Variants in CCDC167 observed in about 807,000 individuals in gnomAD.
CCDC167 encodes coiled-coil domain-containing protein 167.
Under a neutral mutation model 12.7 loss-of-function variants are expected in CCDC167, and 15 were observed. That is an observed-to-expected ratio of 1.18 (90% CI 0.79 to 1.81). The LOEUF (loss-of-function observed/expected upper bound fraction) is 1.81. Ranked by LOEUF, CCDC167 falls within the 40% of genes most tolerant of loss-of-function variation. CCDC167 has a pLI of 0.00. For missense variants in CCDC167, 121 were observed against 120.1 expected (o/e 1.01, Z -0.03); for synonymous variants, 52 against 49.0 (o/e 1.06, Z -0.26).
chr6:37,493,545 G>A (rs577442796), intron 1 of CCDC167, among the ~76,000 whole-genome samples: 134 of 152,362 alleles, frequency 8.8e-4, no homozygotes, highest in Non-Finnish European at 1.6e-3. Context: ...AGGCTGCCGC[G>A]AGAAATCACC....
intron 3 of CCDC167, among the ~76,000 whole-genome samples, chr6:37,484,215 T>C (rs78862533): frequency 0.02 from 3,071 of 152,294 alleles, 85 homozygotes; most frequent in African/African-American, 0.067. Flanking sequence ...TGGCCAGGCC[T>C]GGTCCCCCAG....
chr6:37,486,199 T>TAGG (rs1422234469), intron 1 of CCDC167, among the ~76,000 whole-genome samples: 1 of 152,182 alleles, frequency 6.6e-6, no homozygotes, highest in Non-Finnish European at 1.5e-5. Flanking sequence ...ACCACTTCCC[T>TAGG]AGGAGACATG....
chr6:37,482,949 T>C lies in CCDC167; in HGVS notation c.*237A>G. 1 of 557,400 alleles carries C rather than the reference T, an allele frequency of 1.8e-6. No individual in the cohort carries two copies. The highest frequency in any genetic ancestry group is 3.4e-6 in the Non-Finnish European group (1 of 298,170). The allele number at this position is 557,400 out of a possible 1,614,324, so 34.5% of individuals were successfully genotyped here. ...CTCAGCAGACGGGAACAGCTTTGTGTTCTTTATTGCCTCTCCCTTGGGCTA... is the reference window on the plus strand; with the variant it reads ...CTCAGCAGACGGGAACAGCTTTGTGCTCTTTATTGCCTCTCCCTTGGGCTA... On this transcript the variant is annotated 3_prime_UTR_variant, in exon 4 of 4. Coordinates refer to ENST00000373408, the MANE Select transcript of CCDC167 (RefSeq NM_138493.3).
chr6:37,491,301 A>G (rs1762018484), intron 1 of CCDC167, among the ~76,000 whole-genome samples: 1 of 152,216 alleles, frequency 6.6e-6, no homozygotes, highest in Non-Finnish European at 1.5e-5. Flanking sequence ...GTGTTCCCAC[A>G]GAGCATCTAG....
intron 1 of CCDC167, among the ~76,000 whole-genome samples, chr6:37,496,391 G>A (rs982412577): frequency 2.0e-5 from 3 of 151,914 alleles, no homozygotes; most frequent in Admixed American, 2.0e-4. Context: ...CTGAGATCAT[G>A]CCGCTGCACT....
Position 37,499,816 on chromosome 6 carries a change from C to T in CCDC167, c.42+6G>A, listed in dbSNP as rs1019975043. ...GAGGTGGCCCAACCCCCACTTTTCC[C>T]CTCACCTCTAGAGCGACGCCCAGAT... On this transcript the variant is annotated splice_donor_region_variant and intron_variant, in intron 1 of 3. Transcript: ENST00000373408. 4 of 1,613,992 alleles carry T rather than the reference C, an allele frequency of 2.5e-6. No homozygotes were observed. In the African/African-American group the frequency reaches 4.0e-5, roughly 16 times the overall value.
At chr6:37,491,032 G>C (rs554516986) in intron 1 of CCDC167, among the ~76,000 whole-genome samples, 2 of 152,106 alleles carry the variant, frequency 1.3e-5, no homozygotes, top group African/African-American at 4.8e-5. Flanking sequence ...TGTAAAATTC[G>C]TGTGAAATCC....
intron 3 of CCDC167, 69 bp downstream of exon 3, chr6:37,484,741 T>G (rs1344264392): frequency 1.9e-6 from 3 of 1,583,626 alleles, no homozygotes; most frequent in South Asian, 1.1e-5. Context: ...TCAGGCCCCT[T>G]GGGCTTCTGA....
intron 1 of CCDC167, among the ~76,000 whole-genome samples, chr6:37,497,167 T>C (rs113921062): frequency 3.1e-4 from 47 of 152,222 alleles, no homozygotes; most frequent in African/African-American, 1.1e-3. Flanking sequence ...ATTTACATAT[T>C]CCTTCATTTA....
intron 1 of CCDC167, among the ~76,000 whole-genome samples, chr6:37,488,001 C>T (rs1761969387): frequency 6.6e-6 from 1 of 152,232 alleles, no homozygotes; most frequent in Non-Finnish European, 1.5e-5. Context: ...TTCTTTATAA[C>T]CCAGCTGCTT....
At chr6:37,484,972 G>GT in intron 2 of CCDC167, 110 bp from the exon 3 acceptor site, 1 of 1,464,012 alleles carries the variant, frequency 6.8e-7, no homozygotes, top group Non-Finnish European at 9.5e-7. Context: ...GGCAGGGGGG[G>GT]TGTGCACTGA....
At position 37,490,468 on chromosome 6, in the gene CCDC167, G is replaced by C. The variant is rs1208749218; in HGVS notation, c.43-5274C>G. On this transcript the variant is annotated intron_variant, in intron 1 of 3. Transcript: ENST00000373408. ...GGGAAAGGCCCCAGGGGAGGCCTTA[G>C]GGAGTGGGACCCAACAAGTCCGTTC... Among the ~76,000 whole-genome samples, 5 of 152,312 alleles carry C rather than the reference G, an allele frequency of 3.3e-5. No homozygotes were observed. The South Asian group carries it at 6.2e-4, about 19-fold the overall frequency.
chr6:37,491,187 C>T (rs914592725), intron 1 of CCDC167, among the ~76,000 whole-genome samples: 1 of 152,226 alleles, frequency 6.6e-6, no homozygotes, highest in South Asian at 2.1e-4. Context: ...GGTGCCAGCT[C>T]CACGGCTAGC....
intron 1 of CCDC167, among the ~76,000 whole-genome samples, chr6:37,485,907 G>C (rs2113904707): frequency 6.6e-6 from 1 of 152,334 alleles, no homozygotes; most frequent in Non-Finnish European, 1.5e-5. Flanking sequence ...TTTGATTAGA[G>C]TTTCAGAGAA....
At chr6:37,484,373 T>G (rs1371665132) in intron 3 of CCDC167, among the ~76,000 whole-genome samples, 2 of 151,352 alleles carry the variant, frequency 1.3e-5, no homozygotes, top group African/African-American at 4.8e-5. Flanking sequence ...GCCCAGAAGG[T>G]GGCGGCATCG....
chr6:37,486,506 C>T (rs1761945020), intron 1 of CCDC167, among the ~76,000 whole-genome samples: 3 of 152,224 alleles, frequency 2.0e-5, no homozygotes, highest in Admixed American at 1.3e-4. Flanking sequence ...ATCTCAGCCA[C>T]TTCCATGTCA....
chr6:37,493,142 C>A (rs952949269), intron 1 of CCDC167, among the ~76,000 whole-genome samples: 1 of 152,192 alleles, frequency 6.6e-6, no homozygotes, highest in Non-Finnish European at 1.5e-5. Context: ...CCTGGACACA[C>A]CCCCATGCCA....
intron 1 of CCDC167, 143 bp from the exon 2 acceptor site, chr6:37,485,337 T>G: frequency 1.6e-6 from 1 of 639,530 alleles, no homozygotes; most frequent in Non-Finnish European, 2.8e-6. Flanking sequence ...CAGGCCTGTC[T>G]TCCCTGGAGT....
At chr6:37,486,520 A>T (rs1311435459) in intron 1 of CCDC167, among the ~76,000 whole-genome samples, 4 of 152,130 alleles carry the variant, frequency 2.6e-5, no homozygotes, top group Non-Finnish European at 5.9e-5. Flanking sequence ...CATGTCAGCC[A>T]CTTTTCCTTC....
Sources: allele counts gnomAD v4.1 joint callset (sites outside exome capture counted in the v4.1 genomes callset), GRCh38; gene constraint gnomAD v4.1.1; transcripts MANE v1.5; gene names NCBI Gene and HGNC (gene_info 2026-07-23, HGNC 2026-07-21).